PRTFDC1: variants seen among roughly 807,000 people sequenced by gnomAD.
PRTFDC1 encodes phosphoribosyl transferase domain containing 1.
In PRTFDC1, 38 loss-of-function variants were observed where a neutral mutation model predicts 34.6. The observed-to-expected ratio is 1.10, with a 90% CI of 0.85 to 1.44. The LOEUF (loss-of-function observed/expected upper bound fraction) is 1.44, where lower values mean the gene tolerates loss of function less well. Among genes scored for constraint, PRTFDC1 ranks in the 40% most tolerant of loss-of-function variants. The pLI, the probability that PRTFDC1 is intolerant of heterozygous loss-of-function variation, is 0.00. For missense variants in PRTFDC1, 270 were observed against 283.0 expected (o/e 0.95, Z 0.33); for synonymous variants, 93 against 98.1 (o/e 0.95, Z 0.31).
intron 7 of PRTFDC1, 42 bp downstream of exon 7, chr10:24,855,276 A>AAAAC (rs747500150): frequency 4.5e-5 from 71 of 1,570,828 alleles, no homozygotes; most frequent in South Asian, 2.7e-4. Flanking sequence ...CCATAAGCAC[A>AAAAC]AAACAAACAA....
intron 3 of PRTFDC1, among the ~76,000 whole-genome samples, chr10:24,915,680 C>T (rs1436858939): frequency 6.6e-6 from 1 of 152,220 alleles, no homozygotes; most frequent in East Asian, 1.9e-4. Flanking sequence ...CTTACTTGTT[C>T]TATTAACTGC....
At chr10:24,868,048 C>G (rs561386783) in intron 4 of PRTFDC1, 1 of 152,254 alleles carries the variant, frequency 6.6e-6, no homozygotes, top group South Asian at 2.1e-4. Context: ...TCGCCTCAGT[C>G]TCCCAAAGCG....
intron 3 of PRTFDC1, among the ~76,000 whole-genome samples, chr10:24,895,066 T>A (rs959617278): frequency 6.6e-6 from 1 of 152,038 alleles, no homozygotes; most frequent in South Asian, 2.1e-4. Context: ...CCAGTCAATG[T>A]CTCCTAAGAT....
intron 2 of PRTFDC1, among the ~76,000 whole-genome samples, chr10:24,939,931 GA>G (rs1208710778): frequency 6.6e-6 from 1 of 151,804 alleles, no homozygotes; most frequent in Non-Finnish European, 1.5e-5. Flanking sequence ...TTTAATTTCA[GA>G]CAGAGCAGAC....
chr10:24,938,287 T>C (rs1156433181), intron 2 of PRTFDC1, among the ~76,000 whole-genome samples: 2 of 151,204 alleles, frequency 1.3e-5, no homozygotes, highest in Admixed American at 6.6e-5. Context: ...GAACACATCC[T>C]CTCCAGAAAA....
chr10:24,930,546 T>G (rs1848955117), intron 3 of PRTFDC1, among the ~76,000 whole-genome samples: 1 of 152,226 alleles, frequency 6.6e-6, no homozygotes, highest in African/African-American at 2.4e-5. Flanking sequence ...AAAATAATGC[T>G]GATTCATTTG....
chr10:24,905,097 A>G (rs1261089925), intron 3 of PRTFDC1, among the ~76,000 whole-genome samples: 1 of 151,760 alleles, frequency 6.6e-6, no homozygotes, highest in East Asian at 1.9e-4. Flanking sequence ...ACTTGAGCGC[A>G]GGAGTTTTAA....
intron 3 of PRTFDC1, among the ~76,000 whole-genome samples, chr10:24,907,559 G>T (rs1213790417): frequency 6.6e-6 from 1 of 152,234 alleles, no homozygotes; most frequent in East Asian, 1.9e-4. Flanking sequence ...TCACGCCACT[G>T]CATTCTGGCC....
intron 3 of PRTFDC1, among the ~76,000 whole-genome samples, chr10:24,924,308 C>T (rs1392363062): frequency 1.3e-5 from 2 of 152,260 alleles, no homozygotes; most frequent in East Asian, 1.9e-4. Flanking sequence ...GAGAACACCA[C>T]AAAGATACTC....
intron 3 of PRTFDC1, among the ~76,000 whole-genome samples, chr10:24,898,960 C>A (rs1018874690): frequency 4.9e-4 from 74 of 152,250 alleles, no homozygotes; most frequent in African/African-American, 1.8e-3. Flanking sequence ...ATACAAGAAG[C>A]TGGCCACATG....
chr10:24,885,719 T>G (rs1386584098), intron 3 of PRTFDC1, among the ~76,000 whole-genome samples: 1 of 152,240 alleles, frequency 6.6e-6, no homozygotes, highest in African/African-American at 2.4e-5. Context: ...GCTTTATTTG[T>G]AATTGCTAAA....
At chr10:24,912,497 T>C (rs931654490) in intron 3 of PRTFDC1, among the ~76,000 whole-genome samples, 1 of 151,992 alleles carries the variant, frequency 6.6e-6, no homozygotes, top group Non-Finnish European at 1.5e-5. Flanking sequence ...ACTAATGATA[T>C]TGAAAATCTT....
chr10:24,924,273 C>T (rs1848837869), intron 3 of PRTFDC1, among the ~76,000 whole-genome samples: 1 of 152,116 alleles, frequency 6.6e-6, no homozygotes, highest in South Asian at 2.1e-4. Flanking sequence ...GCAAGGCAGG[C>T]CAACATTCAA....
At chr10:24,866,792 A>AAGAGAG (rs111304267) in intron 4 of PRTFDC1, among the ~76,000 whole-genome samples, 2,825 of 148,476 alleles carry the variant, frequency 0.019, 86 homozygotes, top group African/African-American at 0.068. Flanking sequence ...AAAAGAAAGA[A>AAGAGAG]AGAGAGAGAG....
chr10:24,884,806 G>A (rs1848137471), intron 3 of PRTFDC1, among the ~76,000 whole-genome samples: 1 of 152,182 alleles, frequency 6.6e-6, no homozygotes, highest in Admixed American at 6.5e-5. Flanking sequence ...CAGGGTAGGG[G>A]TCTCAGCAGG....
At chr10:24,900,605 T>C (rs2132552636) in intron 3 of PRTFDC1, among the ~76,000 whole-genome samples, 1 of 152,356 alleles carries the variant, frequency 6.6e-6, no homozygotes, top group East Asian at 1.9e-4. Context: ...ATCTTTTTGA[T>C]ATACAGCTCT....
intron 4 of PRTFDC1, among the ~76,000 whole-genome samples, chr10:24,868,901 A>AT (rs1414645922): frequency 6.0e-5 from 9 of 150,532 alleles, no homozygotes; most frequent in Non-Finnish European, 8.9e-5. Flanking sequence ...TTTAAATTTT[A>AT]TTTTTTCGTT....
intron 4 of PRTFDC1, among the ~76,000 whole-genome samples, chr10:24,869,383 C>T (rs1285291755): frequency 2.0e-5 from 3 of 152,166 alleles, no homozygotes; most frequent in Non-Finnish European, 4.4e-5. Context: ...CTGTAATGGG[C>T]ATTTAAGTTT....
rs909972333 is a variant in PRTFDC1, at chr10:24,849,419, T to TA, written c.*424dup. 2.6e-5 allele frequency: 4 copies of TA among 153,944 alleles called. No homozygotes were observed. Among genetic ancestry groups the TA allele is most frequent in the Non-Finnish European group, 2.9e-5 (2 of 69,318 alleles). 9.5% of individuals were successfully genotyped at this position (153,944 alleles called of 1,614,324 possible). On this transcript the variant is annotated 3_prime_UTR_variant, in exon 9 of 9. Transcript: ENST00000320152. ...GGTATAGGGGACTCAAGTCTTCAGT[T>TA]AAAAAAAAGTCCCCAGCTTCTTAAT...
Sources: allele counts gnomAD v4.1 joint callset (sites outside exome capture counted in the v4.1 genomes callset), GRCh38; gene constraint gnomAD v4.1.1; transcripts MANE v1.5; gene names NCBI Gene and HGNC (gene_info 2026-07-23, HGNC 2026-07-21).